The following FAM81A variants were observed in gnomAD, a reference collection of about 807,000 sequenced individuals.
FAM81A encodes the protein protein FAM81A.
In FAM81A, 19 loss-of-function variants were observed where a neutral mutation model predicts 46.7. The ratio of observed to expected loss-of-function variants is 0.41; its 90% CI spans 0.28 to 0.60. FAM81A has a LOEUF of 0.60. Among genes scored for constraint, FAM81A ranks in the 20% least tolerant of loss-of-function variants. The probability of loss-of-function intolerance (pLI) is 0.34; values close to 1 mark genes in which losing one functional copy is unlikely to be tolerated. For missense variants in FAM81A, 377 were observed against 453.5 expected (o/e 0.83, Z 1.53); for synonymous variants, 183 against 152.9 (o/e 1.20, Z -1.45).
upstream of FAM81A, among the ~76,000 whole-genome samples, chr15:59,436,954 A>C (rs117627749): frequency 4.1e-4 from 62 of 152,230 alleles, no homozygotes; most frequent in East Asian, 0.011. Context: ...TTTCATCTTC[A>C]CCATTGTGTC....
chr15:59,429,698 A>G (rs1166296840), intron 2 of FAM81A, among the ~76,000 whole-genome samples: 1 of 152,250 alleles, frequency 6.6e-6, no homozygotes, highest in Non-Finnish European at 1.5e-5. Context: ...TATTTTAAAA[A>G]GAATGTTTTG....
chr15:59,429,808 A>G (rs770432988), intron 2 of FAM81A, among the ~76,000 whole-genome samples: 1 of 152,144 alleles, frequency 6.6e-6, no homozygotes, highest in African/African-American at 2.4e-5. Context: ...TGGATTTGGG[A>G]TAAAATAAGC....
chr15:59,419,484 A>T (rs1432717935), intron 2 of FAM81A, among the ~76,000 whole-genome samples: 2 of 152,182 alleles, frequency 1.3e-5, no homozygotes, highest in African/African-American at 4.8e-5. Context: ...TTCTTTTCTG[A>T]CCTTCTACAG....
At chr15:59,452,830 C>T (rs1228671454) in intron 1 of FAM81A, among the ~76,000 whole-genome samples, 3 of 152,198 alleles carry the variant, frequency 2.0e-5, no homozygotes, top group Non-Finnish European at 2.9e-5. Context: ...GGCATGATCT[C>T]AGGTCACTGC....
chr15:59,436,568 G>A (rs568802714), upstream of FAM81A, among the ~76,000 whole-genome samples: 7 of 152,254 alleles, frequency 4.6e-5, no homozygotes, highest in Non-Finnish European at 5.9e-5. Context: ...TAGACTCTTG[G>A]TGATGGACTC....
intron 3 of FAM81A, among the ~76,000 whole-genome samples, chr15:59,485,629 C>T (rs555035292): frequency 6.6e-6 from 1 of 152,336 alleles, no homozygotes; most frequent in African/African-American, 2.4e-5. Flanking sequence ...ACCCAAGTCC[C>T]TTTGAATATC....
At chr15:59,399,533 T>C (rs771783792) in intron 1 of FAM81A, among the ~76,000 whole-genome samples, 1 of 151,996 alleles carries the variant, frequency 6.6e-6, no homozygotes, top group Admixed American at 6.6e-5. Flanking sequence ...GAGCACTGAA[T>C]AAAATACGCT....
At chr15:59,491,441 T>C (rs967771423) in intron 3 of FAM81A, among the ~76,000 whole-genome samples, 1 of 151,082 alleles carries the variant, frequency 6.6e-6, no homozygotes, top group Non-Finnish European at 1.5e-5. Flanking sequence ...GGGGGTGGGG[T>C]GGAAATGTGG....
At position 59,522,787 on chromosome 15, in the gene FAM81A, A is replaced by T. The variant is rs1005500436; in HGVS notation, c.*1409A>T. 2.0e-5 allele frequency: 3 copies of T among 152,662 alleles called. No individual in the cohort carries two copies. Among genetic ancestry groups the T allele is most frequent in the Non-Finnish European group, 4.4e-5 (3 of 68,042 alleles). The allele number at this position is 152,662 out of a possible 1,614,324, so 9.5% of individuals were successfully genotyped here. A position where few individuals can be genotyped will look rare whatever the true frequency, so the allele number is the denominator to read the frequency against. ...TTTCTATTTTTAGGACAAATCACAA[A>T]TGAAGTGTCTAACTGGCTATTACTG... On this transcript the variant is annotated 3_prime_UTR_variant, in exon 9 of 9. Transcript: ENST00000288228.
upstream of FAM81A, among the ~76,000 whole-genome samples, chr15:59,434,277 G>A (rs1387602740): frequency 6.6e-6 from 1 of 152,200 alleles, no homozygotes; most frequent in Non-Finnish European, 1.5e-5. Context: ...CCCTACAACT[G>A]TATATAAATA....
chr15:59,413,343 G>A (rs538533146), intron 2 of FAM81A, among the ~76,000 whole-genome samples: 2 of 151,860 alleles, frequency 1.3e-5, no homozygotes, highest in African/African-American at 2.4e-5. Flanking sequence ...GTTGAGGTGC[G>A]AACGTAACTG....
intron 1 of FAM81A, chr15:59,445,715 T>C (rs1247658494): frequency 6.6e-6 from 1 of 152,208 alleles, no homozygotes; most frequent in Non-Finnish European, 1.5e-5. Context: ...ATTCTGTCTG[T>C]ATGAGAGCAC....
In FAM81A at chr15:59,460,827, C is replaced by T. The variant is rs2081542514; in HGVS notation, c.294+621C>T. On this transcript the variant is annotated intron_variant, in intron 3 of 8. Transcript: ENST00000288228. This position sits in a 1 kb window ranked among gnomAD's most constrained non-coding sequence, Gnocchi z 4.4. ...CAGATCATTTAGGGCTTGGGTTTCC[C>T]TCACTACGCAATGTTCATATCTTTC... 6.6e-6 allele frequency among the ~76,000 whole-genome samples: 1 copy of T among 152,162 alleles called. No individual in the cohort carries two copies. Among genetic ancestry groups the T allele is most frequent in the Admixed American group, 6.5e-5 (1 of 15,270 alleles).
chr15:59,470,496 G>A (rs182768394), intron 3 of FAM81A, among the ~76,000 whole-genome samples: 15 of 151,878 alleles, frequency 9.9e-5, no homozygotes, highest in African/African-American at 3.1e-4. Context: ...TGATTGAATC[G>A]GCTATTGAAG....
intron 1 of FAM81A, among the ~76,000 whole-genome samples, chr15:59,446,943 A>G (rs2081359881): frequency 6.6e-6 from 1 of 152,216 alleles, no homozygotes; most frequent in Non-Finnish European, 1.5e-5. Flanking sequence ...GGTAGCTGTA[A>G]ATGAGCAATT....
At chr15:59,430,874 C>G (rs556735700) in intron 2 of FAM81A, among the ~76,000 whole-genome samples, 1 of 152,250 alleles carries the variant, frequency 6.6e-6, no homozygotes, top group African/African-American at 2.4e-5. Flanking sequence ...AATGAGTTAA[C>G]CAGATTAATT....
rs745835446 is a variant in FAM81A, at chr15:59,521,435, T to C, written c.*57T>C. ...TTTGCCAGTGGGGCTAGGAGCCGGA[T>C]ACCTCTGTAGCCAGGCCATCGCTGC... On this transcript the variant is annotated 3_prime_UTR_variant, in exon 9 of 9. Transcript: ENST00000288228. 2.6e-6 allele frequency: 4 copies of C among 1,539,442 alleles called. No individual in the cohort carries two copies. Among genetic ancestry groups the C allele is most frequent in the Non-Finnish European group, 3.5e-6 (4 of 1,140,740 alleles).
chr15:59,405,083 C>T (rs1180666270), intron 2 of FAM81A, among the ~76,000 whole-genome samples: 6 of 152,162 alleles, frequency 3.9e-5, no homozygotes, highest in African/African-American at 1.4e-4. Flanking sequence ...CCCTCAAAGC[C>T]CTGCTAACAT....
chr15:59,420,591 A>T lies in FAM81A; in HGVS notation c.-78+18233A>T, dbSNP rs145115705. ...CCTTTCGTTTCTTCATTTTTATCAC[A>T]TTTCTTCCCAGTGCTTTATAAGATT... On this transcript the variant is annotated intron_variant, in intron 2 of 4. Coordinates refer to the FAM81A transcript ENST00000558348. 4.9e-3 allele frequency among the ~76,000 whole-genome samples: 748 copies of T among 152,178 alleles called. 5 individuals carry two copies. The highest frequency in any genetic ancestry group is 6.9e-3 in the Non-Finnish European group (467 of 68,024).
Sources: gnomAD v4.1 joint callset for allele counts (sites outside exome capture counted in the v4.1 genomes callset) on GRCh38, gnomAD v4.1.1 for gene constraint, Gnocchi (gnomAD v3.1) non-coding constraint, MANE v1.5 for transcripts, NCBI Gene and HGNC (gene_info 2026-07-23, HGNC 2026-07-21) for gene names.